CNTN2: variants seen among roughly 807,000 people sequenced by gnomAD.
CNTN2 encodes contactin 2.
Under a neutral mutation model 117.5 loss-of-function variants are expected in CNTN2, and 53 were observed. The ratio of observed to expected loss-of-function variants is 0.45; its 90% CI spans 0.36 to 0.57. The LOEUF (loss-of-function observed/expected upper bound fraction) is 0.57. Among genes scored for constraint, CNTN2 ranks in the 20% least tolerant of loss-of-function variants. The probability of loss-of-function intolerance (pLI) is 0.00; values close to 1 mark genes in which losing one functional copy is unlikely to be tolerated. For missense variants in CNTN2, 1,106 were observed against 1,404.3 expected (o/e 0.79, Z 3.39); for synonymous variants, 530 against 561.7 (o/e 0.94, Z 0.80).
Position 205,053,086 on chromosome 1 carries a change from G to A in CNTN2, c.-86-14G>A, listed in dbSNP as rs1339616702. 4.7e-6 allele frequency: 4 copies of A among 847,656 alleles called. No homozygotes were observed. The highest frequency in any genetic ancestry group is 2.5e-5 in the Admixed American group (1 of 39,278). The allele number at this position is 847,656 out of a possible 1,614,324, so 52.5% of individuals were successfully genotyped here. A position where few individuals can be genotyped will look rare whatever the true frequency, so the allele number is the denominator to read the frequency against. On this transcript the variant is annotated splice_polypyrimidine_tract_variant and intron_variant, in intron 1 of 22. Coordinates refer to ENST00000331830, the MANE Select transcript of CNTN2 (RefSeq NM_005076.5). Reference sequence around the variant, plus strand: ...TCCTCGGCTCAGAGCCCTCCTTTCTGTCTGCCTCCCCAGGTCCTTTCTCAG... The same window carrying A: ...TCCTCGGCTCAGAGCCCTCCTTTCTATCTGCCTCCCCAGGTCCTTTCTCAG...
At chr1:205,050,285 G>T (rs866629391) in intron 1 of CNTN2, among the ~76,000 whole-genome samples, 1 of 62,274 alleles carries the variant, frequency 1.6e-5, no homozygotes, top group Non-Finnish European at 5.5e-5. Flanking sequence ...CTGAGTGTGT[G>T]TGTGTGTGTG....
intron 18 of CNTN2, 173 bp downstream of exon 18, chr1:205,070,234 TC>T (rs1654522248): frequency 2.6e-6 from 2 of 755,152 alleles, no homozygotes; most frequent in African/African-American, 1.7e-5. Context: ...TTGTCTCCCT[TC>T]GGGGTTAGGA....
chr1:205,052,353 A>G (rs3767293), intron 1 of CNTN2, among the ~76,000 whole-genome samples: 33,445 of 152,234 alleles, frequency 0.22, 4,594 homozygotes, highest in East Asian at 0.64. Context: ...TGGGACAGGC[A>G]TCTGACTTGC....
intron 12 of CNTN2, 40 bp downstream of exon 12, chr1:205,064,790 C>T: frequency 1.2e-6 from 2 of 1,609,874 alleles, no homozygotes; most frequent in African/African-American, 1.3e-5. Flanking sequence ...GCTCAGCCTC[C>T]TCAGGGTACT....
intron 2 of CNTN2, 89 bp from the exon 3 acceptor site, chr1:205,057,831 AG>A (rs1164167147): frequency 4.8e-6 from 7 of 1,467,732 alleles, no homozygotes; most frequent in Admixed American, 2.1e-5. Flanking sequence ...TCCCATCATC[AG>A]AGAAAGTTTT....
At position 205,065,758 on chromosome 1, in the gene CNTN2, A is replaced by ACTGGTCAGGGCCGGTGGTCTGC; in HGVS notation, c.1696-30_1696-29insTGGTCAGGGCCGGTGGTCTGCC. 1 of 833,156 alleles carries ACTGGTCAGGGCCGGTGGTCTGC rather than the reference A, an allele frequency of 1.2e-6. No individual in the cohort carries two copies. 51.6% of individuals were successfully genotyped at this position (833,156 alleles called of 1,614,324 possible). ...TGCACTGGTCAGGGCCGGTGGTCTG[A>ACTGGTCAGGGCCGGTGGTCTGC]CCTGCTGCCCCTAACTGTCCCCGTG... is the stretch of plus-strand genomic sequence containing the variant. On this transcript the variant is annotated intron_variant, in intron 13 of 22. Coordinates refer to ENST00000331830, the MANE Select transcript of CNTN2 (RefSeq NM_005076.5). This position sits in a 1 kb window ranked among gnomAD's most constrained non-coding sequence, Gnocchi z 4.1.
In CNTN2 at chr1:205,061,293, G is replaced by C. The variant is rs180849149; in HGVS notation, c.846G>C (p.Pro282=). 6.2e-7 allele frequency: 1 copy of C among 1,613,926 alleles called. No individual in the cohort carries two copies. The highest frequency in any genetic ancestry group is 1.1e-5 in the South Asian group (1 of 91,076). Residue 282 remains proline, a synonymous_variant, in exon 8 of 23, where the codon CCG becomes CCC. Coordinates refer to ENST00000331830, the MANE Select transcript of CNTN2 (RefSeq NM_005076.5). The surrounding 1 kb of genome is among the most constrained non-coding windows in gnomAD (Gnocchi z 4.8). The stretch of plus-strand genomic sequence containing the variant: ...GCAAAGTGGACGGCTCCCTGTCCCC[G>C]CAGTGGACCACAGCTGAGCCCACCC... The part of the protein sequence containing the change: ...KWRKVDGSLS[P]QWTTAEPTLQ...
rs763492479 is a variant in CNTN2 at position 205,058,034 on chromosome 1, C to T, written c.184C>T (p.Arg62Cys). ...STEEQVLLACRARASPPATYR... is the reference protein window; with the variant it reads ...STEEQVLLACCARASPPATYR... ...GGAGGAGCAGGTGTTGCTGGCATGCCGCGCCCGGGCCAGCCCTCCAGCCAC... is the reference window on the plus strand; with the variant it reads ...GGAGGAGCAGGTGTTGCTGGCATGCTGCGCCCGGGCCAGCCCTCCAGCCAC... The change falls in exon 3 of 23, where the codon CGC (arginine) becomes TGC (cysteine). Residue 62 changes from arginine to cysteine, a missense_variant. Arg to Cys is a radical substitution (Grantham distance 180, BLOSUM62 -3). Coordinates refer to ENST00000331830, the MANE Select transcript of CNTN2 (RefSeq NM_005076.5). The surrounding 1 kb of genome is among the most constrained non-coding windows in gnomAD (Gnocchi z 4.3). The T allele has an allele frequency of 5.0e-6, 8 of 1,613,404 alleles. No homozygotes were observed. The highest frequency in any genetic ancestry group is 1.3e-5 in the African/African-American group (1 of 74,890).
chr1:205,069,585 C>T, intron 17 of CNTN2, 24 bp downstream of exon 17: 1 of 1,585,644 alleles, frequency 6.3e-7, no homozygotes, highest in South Asian at 1.1e-5. Flanking sequence ...GTCAGATGTC[C>T]TCCTCCTCCT....
At position 205,058,138 on chromosome 1, in the gene CNTN2, C is replaced by T. The variant is rs751618442; in HGVS notation, c.216-43C>T. 4 of 1,596,468 alleles carry T rather than the reference C, an allele frequency of 2.5e-6. No individual in the cohort carries two copies. Among genetic ancestry groups the T allele is most frequent in the African/African-American group, 2.7e-5 (2 of 74,488 alleles). Reference sequence around the variant, plus strand: ...CTTTCCCTCTCATCAGCCCTGCCACCAGGCAGGACTCAGAGGTCCCCTTCC... The same window carrying T: ...CTTTCCCTCTCATCAGCCCTGCCACTAGGCAGGACTCAGAGGTCCCCTTCC... On this transcript the variant is annotated intron_variant, in intron 3 of 22. Transcript: ENST00000331830. This position sits in a 1 kb window ranked among gnomAD's most constrained non-coding sequence, Gnocchi z 4.3.
chr1:205,051,843 T>C (rs1311651218), intron 1 of CNTN2, among the ~76,000 whole-genome samples: 1 of 152,180 alleles, frequency 6.6e-6, no homozygotes, highest in Non-Finnish European at 1.5e-5. Context: ...ACAGGGCAGA[T>C]CCTGAGCTTG....
chr1:205,047,489 G>C (rs1206980478), intron 1 of CNTN2, among the ~76,000 whole-genome samples: 1 of 152,174 alleles, frequency 6.6e-6, no homozygotes, highest in Non-Finnish European at 1.5e-5. Context: ...GGTGAGGGCT[G>C]TTGAGAAGGA....
chr1:205,070,342 AG>A, intron 18 of CNTN2, 83 bp from the exon 19 acceptor site: 1 of 1,000,558 alleles, frequency 1.0e-6, no homozygotes, highest in Non-Finnish European at 1.5e-6. Flanking sequence ...CAAAATCTTA[AG>A]CAAAGGCAAT....
rs531598844 is a variant in CNTN2 at position 205,078,193 on chromosome 1, C to T, written c.*4428C>T. 6.6e-6 allele frequency: 1 copy of T among 152,262 alleles called. No individual in the cohort carries two copies. The highest frequency in any genetic ancestry group is 2.4e-5 in the African/African-American group (1 of 41,422). The allele number at this position is 152,262 out of a possible 1,614,324, so 9.4% of individuals were successfully genotyped here. On this transcript the variant is annotated 3_prime_UTR_variant, in exon 23 of 23. Transcript: ENST00000331830. ...GAGGAGGGAAAAATTAGGCCAAGAT[C>T]TTAAGGCAGGTCCAAGCAGAGCACA...
chr1:205,063,677 G>C (rs1193086846), intron 10 of CNTN2: 1 of 150,962 alleles, frequency 6.6e-6, no homozygotes, highest in African/African-American at 2.4e-5. Flanking sequence ...AAGAAAGAAA[G>C]AAAGAAAGAA....
chr1:205,068,738 A>T (rs1654430981), intron 16 of CNTN2: 1 of 152,212 alleles, frequency 6.6e-6, no homozygotes, highest in Non-Finnish European at 1.5e-5. Context: ...ACAGGATCAA[A>T]TGGCCAATGT....
chr1:205,070,513 T>C lies in CNTN2; in HGVS notation c.2519T>C (p.Met840Thr), dbSNP rs760727811. The C allele has an allele frequency of 3.1e-6, 5 of 1,613,734 alleles. No homozygotes were observed. Among genetic ancestry groups the C allele is most frequent in the Non-Finnish European group, 4.2e-6 (5 of 1,179,816 alleles). The change falls in exon 19 of 23, where the codon ATG becomes ACG. Residue 840 changes from methionine (M) to threonine (T), a missense_variant. Coordinates refer to ENST00000331830, the MANE Select transcript of CNTN2 (RefSeq NM_005076.5). ...NVTWEPVQQD[M>T]NGILLGYEIR... ...ACCTGGGAACCCGTGCAGCAGGACA[T>C]GAATGGTATCCTCCTGGGGTATGAG...
intron 1 of CNTN2, among the ~76,000 whole-genome samples, chr1:205,049,281 G>C (rs3767285): frequency 0.014 from 1,738 of 120,716 alleles, 32 homozygotes; most frequent in South Asian, 0.06. Context: ...CCTCACACCC[G>C]ACACACACAC....
At chr1:205,070,910 C>A (rs1574660829) in intron 19 of CNTN2, 1 of 156,052 alleles carries the variant, frequency 6.4e-6, no homozygotes, top group East Asian at 2.0e-4. Flanking sequence ...GCAGGAGAAT[C>A]GCTTGCGTTC....
Sources: gnomAD v4.1 joint callset for allele counts (sites outside exome capture counted in the v4.1 genomes callset) on GRCh38, gnomAD v4.1.1 for gene constraint, Gnocchi (gnomAD v3.1) non-coding constraint, MANE v1.5 for transcripts, NCBI Gene and HGNC (gene_info 2026-07-23, HGNC 2026-07-21) for gene names.